The following NR3C2 variants were observed in gnomAD, a reference collection of about 807,000 sequenced individuals.
NR3C2 encodes the protein nuclear receptor subfamily 3 group C member 2.
A neutral mutation model predicts 86.4 loss-of-function variants in NR3C2; 15 were observed. The observed-to-expected ratio is 0.17, with a 90% CI of 0.12 to 0.27. The LOEUF (loss-of-function observed/expected upper bound fraction) is 0.27. NR3C2 is among the 10% of genes least tolerant of loss of function. The pLI is 1.00. For missense variants in NR3C2, 960 were observed against 1,195.6 expected, an observed-to-expected ratio of 0.80 and a Z score of 2.91; for synonymous variants, 458 against 450.5, an observed-to-expected ratio of 1.02 and a Z score of -0.21.
chr4:148,227,816 T>C (rs1020814685), intron 3 of NR3C2, among the ~76,000 whole-genome samples: 1 of 152,196 alleles, frequency 6.6e-6, no homozygotes, highest in Non-Finnish European at 1.5e-5. Context: ...TTGTGTCCTT[T>C]TGAAATACCT....
intron 3 of NR3C2, among the ~76,000 whole-genome samples, chr4:148,237,629 C>T (rs1738809845): frequency 1.5e-5 from 1 of 67,432 alleles, no homozygotes; most frequent in South Asian, 5.8e-4. Context: ...TGCAGCGCTT[C>T]AATAATTGTA....
At chr4:148,369,015 A>G (rs1216618454) in intron 2 of NR3C2, among the ~76,000 whole-genome samples, 1 of 152,216 alleles carries the variant, frequency 6.6e-6, no homozygotes, top group East Asian at 1.9e-4. Flanking sequence ...GCCATTAACT[A>G]CATTCTGTAA....
intron 2 of NR3C2, among the ~76,000 whole-genome samples, chr4:148,375,712 A>T (rs574027017): frequency 1.3e-5 from 2 of 151,978 alleles, no homozygotes; most frequent in African/African-American, 4.8e-5. Flanking sequence ...TTCTTGAATT[A>T]AAAAAAACAG....
chr4:148,271,213 T>C (rs541312059), intron 2 of NR3C2, among the ~76,000 whole-genome samples: 4 of 152,324 alleles, frequency 2.6e-5, no homozygotes, highest in Admixed American at 1.3e-4. Context: ...TTGTTATTAT[T>C]TTCATATGCT....
At chr4:148,406,341 T>C (rs924880495) in intron 2 of NR3C2, among the ~76,000 whole-genome samples, 2 of 152,078 alleles carry the variant, frequency 1.3e-5, no homozygotes, top group African/African-American at 4.8e-5. Context: ...GTGGTAAGTA[T>C]AGAGAAGGGG....
chr4:148,430,217 G>C (rs1328233230), intron 2 of NR3C2, among the ~76,000 whole-genome samples: 2 of 152,116 alleles, frequency 1.3e-5, no homozygotes, highest in Non-Finnish European at 2.9e-5. Flanking sequence ...ATTGCATTAA[G>C]TGGAATAATT....
At chr4:148,288,670 G>A (rs1052327551) in intron 2 of NR3C2, among the ~76,000 whole-genome samples, 6 of 151,636 alleles carry the variant, frequency 4.0e-5, no homozygotes, top group South Asian at 2.1e-4. Context: ...TTTTCCTACC[G>A]TCTTCCAGTC....
intron 2 of NR3C2, among the ~76,000 whole-genome samples, chr4:148,345,851 C>T (rs1744963220): frequency 6.6e-6 from 1 of 152,026 alleles, no homozygotes; most frequent in African/African-American, 2.4e-5. Context: ...AAAAGTTGGA[C>T]CCAGTCCCTC....
chr4:148,097,935 A>AT (rs1389940410), intron 8 of NR3C2, among the ~76,000 whole-genome samples: 1 of 151,970 alleles, frequency 6.6e-6, no homozygotes, highest in Admixed American at 6.6e-5. Context: ...GAGGAACAGG[A>AT]TCAGCATGAG....
intron 8 of NR3C2, among the ~76,000 whole-genome samples, chr4:148,104,960 A>G (rs1416132148): frequency 6.6e-6 from 1 of 152,214 alleles, no homozygotes; most frequent in African/African-American, 2.4e-5. Context: ...CCTGAGTGGA[A>G]AGATATAAGA....
intron 4 of NR3C2, among the ~76,000 whole-genome samples, chr4:148,177,716 T>A (rs1735441182): frequency 6.6e-6 from 1 of 152,198 alleles, no homozygotes; most frequent in African/African-American, 2.4e-5. Context: ...GGATGGCTGA[T>A]CATCCCTTTC....
At chr4:148,085,036 C>T (rs1426974260) in intron 8 of NR3C2, among the ~76,000 whole-genome samples, 1 of 152,114 alleles carries the variant, frequency 6.6e-6, no homozygotes, top group Non-Finnish European at 1.5e-5. Flanking sequence ...GAGACTTAGA[C>T]TCCCACACAA....
At chr4:148,396,681 TA>T (rs1209370155) in intron 2 of NR3C2, among the ~76,000 whole-genome samples, 1 of 152,206 alleles carries the variant, frequency 6.6e-6, no homozygotes, top group Non-Finnish European at 1.5e-5. Context: ...CAGGTTCCTA[TA>T]AAGTTCCTTA....
At chr4:148,363,134 A>C (rs1365258383) in intron 2 of NR3C2, among the ~76,000 whole-genome samples, 1 of 152,198 alleles carries the variant, frequency 6.6e-6, no homozygotes, top group Non-Finnish European at 1.5e-5. Flanking sequence ...TCCTGTGAGT[A>C]AGGACAATAC....
At chr4:148,313,220 T>C (rs1016263586) in intron 2 of NR3C2, among the ~76,000 whole-genome samples, 18 of 152,180 alleles carry the variant, frequency 1.2e-4, no homozygotes, top group Admixed American at 3.3e-4. Context: ...TGCAGACTTA[T>C]TCCAATCTAT....
chr4:148,314,153 T>A (rs1384579984), intron 2 of NR3C2, among the ~76,000 whole-genome samples: 1 of 152,068 alleles, frequency 6.6e-6, no homozygotes, highest in African/African-American at 2.4e-5. Flanking sequence ...GGGGGAAAGA[T>A]CTTCAAAAGC....
At chr4:148,203,531 C>A (rs1736840217) in intron 3 of NR3C2, among the ~76,000 whole-genome samples, 1 of 151,680 alleles carries the variant, frequency 6.6e-6, no homozygotes, top group East Asian at 1.9e-4. Context: ...TCACATGTCA[C>A]TTACATAACC....
At chr4:148,282,447 T>C (rs1160887317) in intron 2 of NR3C2, among the ~76,000 whole-genome samples, 1 of 152,224 alleles carries the variant, frequency 6.6e-6, no homozygotes, top group Non-Finnish European at 1.5e-5. Context: ...TTGTTCAAGA[T>C]AAATCCTACA....
chr4:148,161,173 A>C (rs1734640890), intron 4 of NR3C2, among the ~76,000 whole-genome samples: 1 of 151,180 alleles, frequency 6.6e-6, no homozygotes, highest in East Asian at 1.9e-4. Flanking sequence ...TGGTTAAGAA[A>C]GTTGAATACA....
Sources: gnomAD v4.1 joint callset for allele counts (sites outside exome capture counted in the v4.1 genomes callset) on GRCh38, gnomAD v4.1.1 for gene constraint, MANE v1.5 for transcripts, NCBI Gene and HGNC (gene_info 2026-07-23, HGNC 2026-07-21) for gene names.